CNTN5: variants seen among roughly 807,000 people sequenced by gnomAD.
The protein encoded by CNTN5 is contactin-5.
A neutral mutation model predicts 129.1 loss-of-function variants in CNTN5; 77 were observed. The observed-to-expected ratio is 0.60, with a 90% CI of 0.50 to 0.72. The LOEUF is 0.72. Ranked by LOEUF, CNTN5 falls within the 30% of genes least tolerant of loss-of-function variation. The pLI is 0.00. For missense variants in CNTN5, 1,478 were observed against 1,328.8 expected, an observed-to-expected ratio of 1.11 and a Z score of -1.75; for synonymous variants, 509 against 465.6, an observed-to-expected ratio of 1.09 and a Z score of -1.20.
chr11:100,295,069 T>C (rs1474835475), intron 18 of CNTN5, among the ~76,000 whole-genome samples: 3 of 151,584 alleles, frequency 2.0e-5, no homozygotes, highest in Non-Finnish European at 4.4e-5. Context: ...CTAGTAAACT[T>C]TTTTTAAAAT....
At chr11:100,229,808 TA>T (rs752084396) in intron 16 of CNTN5, among the ~76,000 whole-genome samples, 3 of 152,190 alleles carry the variant, frequency 2.0e-5, no homozygotes, top group Non-Finnish European at 2.9e-5. Flanking sequence ...TTCCAAGCTT[TA>T]AAATGCACAA....
intron 2 of CNTN5, among the ~76,000 whole-genome samples, chr11:99,392,967 A>G (rs1373577927): frequency 6.6e-6 from 1 of 151,850 alleles, no homozygotes; most frequent in Non-Finnish European, 1.5e-5. Context: ...GCATGTGGAA[A>G]TAATGGTATA....
chr11:99,263,093 T>G (rs190636119), intron 1 of CNTN5, among the ~76,000 whole-genome samples: 8 of 152,258 alleles, frequency 5.3e-5, no homozygotes, highest in African/African-American at 1.9e-4. Flanking sequence ...TCTTAAGAAG[T>G]CCTCTGAAAA....
intron 2 of CNTN5, among the ~76,000 whole-genome samples, chr11:99,548,739 G>A (rs78349158): frequency 0.089 from 13,476 of 152,044 alleles, 1,191 homozygotes; most frequent in East Asian, 0.34. Flanking sequence ...TGCGAGTCTG[G>A]TTTTCCTACT....
At chr11:100,061,766 G>T (rs1235103323) in intron 10 of CNTN5, among the ~76,000 whole-genome samples, 4 of 152,084 alleles carry the variant, frequency 2.6e-5, no homozygotes, top group African/African-American at 9.7e-5. Flanking sequence ...ATCCTGCCCA[G>T]GTGCCATTTT....
At chr11:100,285,789 C>T (rs1030815245) in intron 18 of CNTN5, among the ~76,000 whole-genome samples, 1 of 152,234 alleles carries the variant, frequency 6.6e-6, no homozygotes, top group South Asian at 2.1e-4. Context: ...CGGTCTACAG[C>T]TCCCAGCGTG....
chr11:99,747,296 T>C (rs1944084456), intron 3 of CNTN5, among the ~76,000 whole-genome samples: 1 of 152,136 alleles, frequency 6.6e-6, no homozygotes, highest in South Asian at 2.1e-4. Context: ...TTTTAATCAG[T>C]TATAACAGTT....
At chr11:100,216,489 T>C (rs1345104252) in intron 15 of CNTN5, among the ~76,000 whole-genome samples, 1 of 152,068 alleles carries the variant, frequency 6.6e-6, no homozygotes, top group Non-Finnish European at 1.5e-5. Context: ...CCAATTCTTT[T>C]TCCACTAAAG....
chr11:99,107,938 TAA>T (rs55786739), intron 1 of CNTN5, among the ~76,000 whole-genome samples: 41,571 of 103,356 alleles, frequency 0.4, 6,645 homozygotes, highest in Middle Eastern at 0.47. Flanking sequence ...CTCAAAAAAG[TAA>T]AAAAAAAAAA....
At chr11:99,685,944 TATTA>T (rs1376226268) in intron 3 of CNTN5, among the ~76,000 whole-genome samples, 3 of 152,076 alleles carry the variant, frequency 2.0e-5, no homozygotes, top group Non-Finnish European at 4.4e-5. Flanking sequence ...CTTCATAGTT[TATTA>T]GTCATATATG....
intron 13 of CNTN5, among the ~76,000 whole-genome samples, chr11:100,157,090 G>A (rs1947270241): frequency 6.6e-6 from 1 of 151,844 alleles, no homozygotes; most frequent in Non-Finnish European, 1.5e-5. Flanking sequence ...ATATTAGGGT[G>A]TTGATTTTAG....
chr11:100,147,381 GTTA>G (rs1189165115), intron 13 of CNTN5, among the ~76,000 whole-genome samples: 1 of 152,114 alleles, frequency 6.6e-6, no homozygotes, highest in African/African-American at 2.4e-5. Flanking sequence ...TCTGAACTGA[GTTA>G]TTGTGTTAAA....
chr11:99,237,907 A>G (rs1187554766), intron 1 of CNTN5, among the ~76,000 whole-genome samples: 1 of 152,164 alleles, frequency 6.6e-6, no homozygotes, highest in African/African-American at 2.4e-5. Flanking sequence ...GAAAAAGTCA[A>G]TGAAAATGAT....
chr11:100,175,896 T>C (rs7927320), intron 13 of CNTN5, among the ~76,000 whole-genome samples: 4,698 of 152,228 alleles, frequency 0.031, 243 homozygotes, highest in African/African-American at 0.11. Context: ...GCTCTCTTAT[T>C]TTTTTAAGAT....
intron 6 of CNTN5, among the ~76,000 whole-genome samples, chr11:99,912,165 A>G (rs796611932): frequency 5.3e-4 from 81 of 152,136 alleles, no homozygotes; most frequent in African/African-American, 1.9e-3. Context: ...AGGAAGAGGA[A>G]GAGGAAGGAA....
At position 99,519,526 on chromosome 11, in the gene CNTN5, A is replaced by G. The variant is rs147765881; in HGVS notation, c.-70-36619A>G. On this transcript the variant is annotated intron_variant, in intron 2 of 24. Transcript: ENST00000524871. The stretch of plus-strand genomic sequence containing the variant: ...AAATATTTGTCAAATACATTTATGT[A>G]TCATTCACCAAAATGTTAGATAATA... Among the ~76,000 whole-genome samples, 158 of 152,218 alleles carry G rather than the reference A, an allele frequency of 1.0e-3. 1 individual carries two copies. The highest frequency in any genetic ancestry group is 3.6e-3 in the African/African-American group (150 of 41,566).
At chr11:99,834,767 C>G (rs780937468) in intron 4 of CNTN5, among the ~76,000 whole-genome samples, 4 of 152,070 alleles carry the variant, frequency 2.6e-5, no homozygotes, top group Admixed American at 1.3e-4. Flanking sequence ...GATGGGGTTA[C>G]TACTAAGGCT....
chr11:99,959,116 G>C (rs1316144394), intron 8 of CNTN5, among the ~76,000 whole-genome samples: 1 of 151,972 alleles, frequency 6.6e-6, no homozygotes, highest in African/African-American at 2.4e-5. Flanking sequence ...CCCTTGTTTG[G>C]CAAAACCCCA....
Position 99,246,203 on chromosome 11 carries a change from C to T in CNTN5, c.-209-79143C>T, listed in dbSNP as rs115676038. 6.5e-3 allele frequency among the ~76,000 whole-genome samples: 991 copies of T among 152,246 alleles called. 14 individuals are homozygous for T. The highest frequency in any genetic ancestry group is 0.022 in the African/African-American group (924 of 41,550). ...GGAGAGGTAGTTGTTATCTAATGAA[C>T]GCATTTTGCATTGTTAGCCAAATCA... is the stretch of plus-strand genomic sequence containing the variant. On this transcript the variant is annotated intron_variant, in intron 1 of 24. Transcript: ENST00000524871.
Sources: gnomAD v4.1 joint callset for allele counts (sites outside exome capture counted in the v4.1 genomes callset) on GRCh38, gnomAD v4.1.1 for gene constraint, MANE v1.5 for transcripts, NCBI Gene and HGNC (gene_info 2026-07-23, HGNC 2026-07-21) for gene names.